The following DDX60L variants were observed in gnomAD, a reference collection of about 807,000 sequenced individuals.
DDX60L encodes DExD/H-box 60 like.
A neutral mutation model predicts 211.6 loss-of-function variants in DDX60L; 191 were observed. The observed-to-expected ratio is 0.90, with a 90% CI of 0.80 to 1.02. The LOEUF is 1.02. Ranked by LOEUF, DDX60L falls within the 50% of genes least tolerant of loss-of-function variation. DDX60L has a pLI of 0.00. For missense variants in DDX60L, 2,007 were observed against 1,984.1 expected, an observed-to-expected ratio of 1.01 and a Z score of -0.22; for synonymous variants, 706 against 694.1, an observed-to-expected ratio of 1.02 and a Z score of -0.27.
intron 22 of DDX60L, among the ~76,000 whole-genome samples, chr4:168,414,772 C>G (rs542879098): frequency 6.6e-6 from 1 of 151,952 alleles, no homozygotes; most frequent in South Asian, 2.1e-4. Context: ...AGAAAAACTT[C>G]ACGTGTTCTA....
intron 1 of DDX60L, among the ~76,000 whole-genome samples, chr4:168,473,303 T>G (rs745706886): frequency 2.0e-5 from 3 of 152,242 alleles, no homozygotes; most frequent in Non-Finnish European, 4.4e-5. Flanking sequence ...CTGGTTGTAA[T>G]TTGATTACAC....
rs201217085 is a variant in DDX60L at position 168,471,738 on chromosome 4, A to C, written c.264+9T>G. ...AAGGACTAAAACGACATCAATCATCATATATTACCTTAAAGAAAACTATGG... is the reference window on the plus strand; with the variant it reads ...AAGGACTAAAACGACATCAATCATCCTATATTACCTTAAAGAAAACTATGG... On this transcript the variant is annotated intron_variant, in intron 4 of 37. Coordinates refer to ENST00000682922, the MANE Select transcript of DDX60L (RefSeq NM_001012967.3). 1 of 1,580,508 alleles carries C rather than the reference A, an allele frequency of 6.3e-7. No homozygotes were observed. Among genetic ancestry groups the C allele is most frequent in the Non-Finnish European group, 8.6e-7 (1 of 1,169,368 alleles).
intron 36 of DDX60L, among the ~76,000 whole-genome samples, chr4:168,367,036 A>T (rs1174996740): frequency 6.6e-6 from 1 of 152,066 alleles, no homozygotes; most frequent in Non-Finnish European, 1.5e-5. Flanking sequence ...TAATAGCATA[A>T]TATAATATGC....
At chr4:168,451,856 T>C (rs1206724421) in intron 8 of DDX60L, among the ~76,000 whole-genome samples, 4 of 152,190 alleles carry the variant, frequency 2.6e-5, no homozygotes, top group Non-Finnish European at 5.9e-5. Context: ...AAGTGCTATG[T>C]CCTCTCTTGA....
chr4:168,406,737 A>G (rs778482354), intron 22 of DDX60L, 31 bp from the exon 23 acceptor site: 1 of 1,389,116 alleles, frequency 7.2e-7, no homozygotes, highest in South Asian at 1.3e-5. Context: ...GGATGGATGA[A>G]GAAATAAAAT....
chr4:168,415,898 T>G, intron 20 of DDX60L, 99 bp from the exon 21 acceptor site: 1 of 1,124,042 alleles, frequency 8.9e-7, no homozygotes. Flanking sequence ...GTTTAAAAAT[T>G]TAGAGCATGC....
intron 8 of DDX60L, among the ~76,000 whole-genome samples, chr4:168,449,715 G>A (rs148829173): frequency 0.02 from 2,606 of 127,694 alleles, 106 homozygotes; most frequent in African/African-American, 0.074. Flanking sequence ...GAAAGAGGCT[G>A]AAACTGAAAA....
intron 4 of DDX60L, among the ~76,000 whole-genome samples, chr4:168,465,005 T>G (rs1258785048): frequency 6.6e-6 from 1 of 152,140 alleles, no homozygotes; most frequent in Non-Finnish European, 1.5e-5. Flanking sequence ...ATCCTTTGAA[T>G]ATATATCTAG....
At chr4:168,469,969 C>T (rs1381246014) in intron 4 of DDX60L, 1 of 152,080 alleles carries the variant, frequency 6.6e-6, no homozygotes, top group Non-Finnish European at 1.5e-5. Context: ...AGAACTACTA[C>T]AACTCAATAT....
rs767323482 is a variant in DDX60L, at chr4:168,394,448, C to T, written c.3810+17G>A. On this transcript the variant is annotated intron_variant, in intron 28 of 37. Coordinates refer to ENST00000682922, the MANE Select transcript of DDX60L (RefSeq NM_001012967.3). ...TATGCACAACTTTATTTTTTAAATG[C>T]AAAGAAATTTACCTACCCTAATAAG... The T allele has an allele frequency of 1.9e-6, 3 of 1,573,970 alleles. No homozygotes were observed. In the African/African-American group the frequency reaches 4.1e-5, roughly 22 times the overall value.
Position 168,368,099 on chromosome 4 carries a change from C to A in DDX60L, c.4928+3513G>T, listed in dbSNP as rs141124305. 3.3e-5 allele frequency among the ~76,000 whole-genome samples: 5 copies of A among 152,318 alleles called. No homozygotes were observed. The South Asian group carries it at 1.0e-3, about 32-fold the overall frequency. On this transcript the variant is annotated intron_variant, in intron 36 of 37. Coordinates refer to ENST00000682922, the MANE Select transcript of DDX60L (RefSeq NM_001012967.3). ...TTTGCATAAGTAACAAGGAGCCTAA[C>A]GTTAATCCCCAAGACAACGGGGTAA...
In DDX60L at chr4:168,420,373, A is replaced by G; in HGVS notation, c.2402T>C (p.Val801Ala). The G allele has an allele frequency of 6.2e-7, 1 of 1,606,596 alleles. No individual in the cohort carries two copies. Among genetic ancestry groups the G allele is most frequent in the Non-Finnish European group, 8.5e-7 (1 of 1,178,198 alleles). The stretch of plus-strand genomic sequence containing the variant: ...CTCAACAGTTGCAGCCACTTGACCA[A>G]CAAGGGACTGATTGACAAGAAAAAA... ...VVYVAPAKSL[V>A]GQVAATVENR... is the part of the protein sequence containing the mutation. The change falls in exon 18 of 38, where the codon GTT becomes GCT. Residue 801 changes from valine (V) to alanine (A), a missense_variant. By Grantham distance (64) the Val-to-Ala change is moderately conservative (BLOSUM62 0). Coordinates refer to ENST00000682922, the MANE Select transcript of DDX60L (RefSeq NM_001012967.3).
At chr4:168,457,273 CACACACACACACACACACAT>C (rs1756703685) in intron 6 of DDX60L, among the ~76,000 whole-genome samples, 1 of 150,936 alleles carries the variant, frequency 6.6e-6, no homozygotes, top group Non-Finnish European at 1.5e-5. Flanking sequence ...CACACACACA[CACACACACACACACACACAT>C]ACACACACAC....
intron 1 of DDX60L, among the ~76,000 whole-genome samples, chr4:168,476,980 G>T (rs1759594507): frequency 6.6e-6 from 1 of 152,132 alleles, no homozygotes; most frequent in Admixed American, 6.5e-5. Flanking sequence ...AATCACTATT[G>T]GGCCGACTGG....
chr4:168,464,629 C>T (rs1328188178), intron 4 of DDX60L, among the ~76,000 whole-genome samples: 4 of 151,840 alleles, frequency 2.6e-5, no homozygotes, highest in African/African-American at 7.3e-5. Flanking sequence ...TATATGTATA[C>T]AATGCATAAT....
intron 9 of DDX60L, among the ~76,000 whole-genome samples, chr4:168,442,444 T>A (rs1049340379): frequency 6.6e-6 from 1 of 151,246 alleles, no homozygotes; most frequent in East Asian, 1.9e-4. Context: ...GCAGCGAGGC[T>A]GGGGGAGGGG....
At chr4:168,430,386 G>C (rs1752162276) in intron 13 of DDX60L, 92 bp downstream of exon 13, 2 of 1,112,114 alleles carry the variant, frequency 1.8e-6, no homozygotes, top group South Asian at 1.9e-5. Context: ...TGAGAAAGAA[G>C]AGAATGGAAG....
At chr4:168,477,543 AC>A (rs1282782208) in intron 1 of DDX60L, among the ~76,000 whole-genome samples, 1 of 152,204 alleles carries the variant, frequency 6.6e-6, no homozygotes, top group Non-Finnish European at 1.5e-5. Context: ...CTTAATACTA[AC>A]AATTAAACCA....
chr4:168,474,968 T>C (rs928417763), intron 1 of DDX60L, among the ~76,000 whole-genome samples: 3 of 152,150 alleles, frequency 2.0e-5, no homozygotes, highest in African/African-American at 4.8e-5. Flanking sequence ...TATATCCTGA[T>C]AAAATTTCAG....
Sources: allele counts gnomAD v4.1 joint callset (sites outside exome capture counted in the v4.1 genomes callset), GRCh38; gene constraint gnomAD v4.1.1; transcripts MANE v1.5; gene names NCBI Gene and HGNC (gene_info 2026-07-23, HGNC 2026-07-21).